ZNF385B: variants seen among roughly 807,000 people sequenced by gnomAD.
ZNF385B encodes zinc finger protein 385B.
A neutral mutation model predicts 39.2 loss-of-function variants in ZNF385B; 23 were observed. The observed-to-expected ratio is 0.59, with a 90% confidence interval of 0.42 to 0.83. ZNF385B has a LOEUF of 0.83. Among genes scored for constraint, ZNF385B ranks in the 40% least tolerant of loss-of-function variants. ZNF385B has a pLI of 0.00. For missense variants in ZNF385B, 552 were observed against 598.9 expected (o/e 0.92, Z 0.82); for synonymous variants, 205 against 222.6 (o/e 0.92, Z 0.70).
At chr2:179,555,745 G>A (rs2060864561) in intron 3 of ZNF385B, among the ~76,000 whole-genome samples, 1 of 148,638 alleles carries the variant, frequency 6.7e-6, no homozygotes, top group Admixed American at 6.7e-5. Flanking sequence ...GAATAGGGGA[G>A]ACTAACACAG....
In ZNF385B at chr2:179,661,208, TATGAAAACAGGATA is replaced by T. The variant is rs1321310922; in HGVS notation, c.298+108281_298+108294del. ...TGGTAAAAGGAAAATGGGGAAGGAC[TATGAAAACAGGATA>T]ATTTAAAGCAAAGGGAACAAAGAAA... On this transcript the variant is annotated intron_variant, in intron 3 of 9. Transcript: ENST00000410066. 3.3e-5 allele frequency among the ~76,000 whole-genome samples: 5 copies of T among 152,294 alleles called. No individual in the cohort carries two copies. The South Asian group carries it at 1.0e-3, about 32-fold the overall frequency.
chr2:179,597,352 G>T (rs763283294), intron 3 of ZNF385B, among the ~76,000 whole-genome samples: 4 of 152,164 alleles, frequency 2.6e-5, no homozygotes, highest in Non-Finnish European at 5.9e-5. Context: ...AAAAGGTACA[G>T]CAACACTTTA....
At chr2:179,568,427 C>A (rs1327113168) in intron 3 of ZNF385B, among the ~76,000 whole-genome samples, 1 of 152,190 alleles carries the variant, frequency 6.6e-6, no homozygotes, top group Non-Finnish European at 1.5e-5. Flanking sequence ...CAGGGCCAGG[C>A]CTATGGTAGG....
chr2:179,600,475 T>C (rs1304824254), intron 3 of ZNF385B, among the ~76,000 whole-genome samples: 1 of 152,194 alleles, frequency 6.6e-6, no homozygotes, highest in East Asian at 1.9e-4. Context: ...AATAATATTC[T>C]AGTCAAAGGA....
chr2:179,598,030 G>T (rs1688128854), intron 3 of ZNF385B, among the ~76,000 whole-genome samples: 2 of 152,098 alleles, frequency 1.3e-5, no homozygotes, highest in Admixed American at 1.3e-4. Flanking sequence ...TAATTGCCAT[G>T]GTAATTACAG....
At chr2:179,493,721 A>G (rs1481865039) in intron 5 of ZNF385B, among the ~76,000 whole-genome samples, 15 of 93,080 alleles carry the variant, frequency 1.6e-4, no homozygotes, top group Non-Finnish European at 3.1e-4. Flanking sequence ...ATATGCATAT[A>G]CGTATATACA....
At chr2:179,574,631 A>G (rs150458328) in intron 3 of ZNF385B, among the ~76,000 whole-genome samples, 45 of 152,342 alleles carry the variant, frequency 3.0e-4, no homozygotes, top group African/African-American at 1.0e-3. Flanking sequence ...AAAGCCTAGA[A>G]ACTAACTAGA....
intron 3 of ZNF385B, among the ~76,000 whole-genome samples, chr2:179,763,955 G>A (rs1364638583): frequency 6.6e-6 from 1 of 152,100 alleles, no homozygotes; most frequent in African/African-American, 2.4e-5. Flanking sequence ...TTGAGTAGAG[G>A]TCTATATAAA....
chr2:179,724,645 A>C (rs1700892591), intron 3 of ZNF385B, among the ~76,000 whole-genome samples: 1 of 152,206 alleles, frequency 6.6e-6, no homozygotes, highest in African/African-American at 2.4e-5. Flanking sequence ...ATATTTAGTG[A>C]ACATTATTCT....
At chr2:179,667,524 C>T (rs1695327010) in intron 3 of ZNF385B, among the ~76,000 whole-genome samples, 1 of 152,166 alleles carries the variant, frequency 6.6e-6, no homozygotes. Flanking sequence ...CCCATTCCAG[C>T]CATAGCTGAC....
chr2:179,785,358 A>G (rs925660855), intron 1 of ZNF385B, among the ~76,000 whole-genome samples: 2 of 152,164 alleles, frequency 1.3e-5, no homozygotes, highest in Non-Finnish European at 2.9e-5. Context: ...CTATACTTCA[A>G]TAAAATTTTT....
chr2:179,527,001 C>T (rs934744158), intron 4 of ZNF385B, among the ~76,000 whole-genome samples: 2 of 152,206 alleles, frequency 1.3e-5, no homozygotes, highest in African/African-American at 4.8e-5. Context: ...GCAATAACAA[C>T]ACAACACATA....
At chr2:179,819,283 G>T (rs1707258737) in intron 1 of ZNF385B, among the ~76,000 whole-genome samples, 1 of 152,076 alleles carries the variant, frequency 6.6e-6, no homozygotes, top group South Asian at 2.1e-4. Flanking sequence ...TGAGATGTTG[G>T]TTTTCAAACC....
At chr2:179,753,628 G>C (rs193120125) in intron 3 of ZNF385B, among the ~76,000 whole-genome samples, 1 of 152,234 alleles carries the variant, frequency 6.6e-6, no homozygotes, top group East Asian at 1.9e-4. Context: ...GTGGTTTGTA[G>C]TTCTCCTTGA....
At chr2:179,761,248 T>C (rs931466373) in intron 3 of ZNF385B, among the ~76,000 whole-genome samples, 15 of 152,186 alleles carry the variant, frequency 9.9e-5, no homozygotes, top group African/African-American at 3.6e-4. Context: ...TTCATATAAA[T>C]GTTAGCATAA....
At chr2:179,656,965 T>G (rs1008141398) in intron 3 of ZNF385B, among the ~76,000 whole-genome samples, 1 of 152,178 alleles carries the variant, frequency 6.6e-6, no homozygotes, top group Non-Finnish European at 1.5e-5. Context: ...AGTTTTTCAG[T>G]GTGTTAAAAT....
chr2:179,736,755 A>G (rs1701784271), intron 3 of ZNF385B, among the ~76,000 whole-genome samples: 1 of 152,156 alleles, frequency 6.6e-6, no homozygotes, highest in African/African-American at 2.4e-5. Flanking sequence ...GGATTGCCTG[A>G]GCTCAGGAGT....
rs141082167 is a variant in ZNF385B at position 179,630,082 on chromosome 2, C to A, written c.299-85113G>T. Among the ~76,000 whole-genome samples, 3 of 152,386 alleles carry A rather than the reference C, an allele frequency of 2.0e-5. 1 individual carries two copies. The highest frequency in any genetic ancestry group is 3.9e-4 in the East Asian group (2 of 5,188). On this transcript the variant is annotated intron_variant, in intron 3 of 9. Transcript: ENST00000410066. ...TGCCTCTAGACTCTGCCTCTGCGGG[C>A]AGGGCATGGCTGAACAAAAGGCAGC...
At chr2:179,463,545 G>A (rs1219068264) in intron 6 of ZNF385B, among the ~76,000 whole-genome samples, 9 of 150,080 alleles carry the variant, frequency 6.0e-5, no homozygotes, top group South Asian at 2.1e-4. Flanking sequence ...GATGTTCCCC[G>A]CCCCATGTCC....
Sources: allele counts gnomAD v4.1 joint callset (sites outside exome capture counted in the v4.1 genomes callset), GRCh38; gene constraint gnomAD v4.1.1; transcripts MANE v1.5; gene names NCBI Gene and HGNC (gene_info 2026-07-23, HGNC 2026-07-21).